Variants in TBCK observed in about 807,000 individuals in gnomAD.
TBCK encodes the protein TBC domain-containing protein kinase-like protein.
Under a neutral mutation model 113.4 loss-of-function variants are expected in TBCK, and 99 were observed. The observed-to-expected ratio is 0.87, with a 90% CI of 0.74 to 1.03. The LOEUF (loss-of-function observed/expected upper bound fraction) is 1.03. TBCK is among the 50% of genes least tolerant of loss of function. TBCK has a pLI of 0.00. For synonymous variants in TBCK, 369 were observed against 370.8 expected (o/e 1.00, Z 0.05); for missense variants, 1,045 against 1,061.3 (o/e 0.98, Z 0.21).
At chr4:106,087,904 A>C (rs1006394780) in intron 25 of TBCK, among the ~76,000 whole-genome samples, 1 of 152,230 alleles carries the variant, frequency 6.6e-6, no homozygotes, top group Non-Finnish European at 1.5e-5. Flanking sequence ...ATATGCAGGA[A>C]ACTGGAACTG....
At chr4:106,057,265 G>A (rs2149454357) in intron 25 of TBCK, among the ~76,000 whole-genome samples, 1 of 151,826 alleles carries the variant, frequency 6.6e-6, no homozygotes, top group South Asian at 2.1e-4. Flanking sequence ...CTAGCATTGA[G>A]ATAGACTGGG....
intron 2 of TBCK, among the ~76,000 whole-genome samples, chr4:106,301,833 T>A (rs573363375): frequency 6.6e-6 from 1 of 152,224 alleles, no homozygotes; most frequent in South Asian, 2.1e-4. Flanking sequence ...AGAGGAAAAG[T>A]AGAATCAAAA....
At chr4:106,081,315 T>C (rs769656935) in intron 25 of TBCK, among the ~76,000 whole-genome samples, 9 of 152,240 alleles carry the variant, frequency 5.9e-5, no homozygotes, top group Non-Finnish European at 1.2e-4. Context: ...GTAGTACATA[T>C]ACACCATGGA....
chr4:106,094,552 C>A (rs1189680287), intron 25 of TBCK, among the ~76,000 whole-genome samples: 1 of 151,918 alleles, frequency 6.6e-6, no homozygotes, highest in Non-Finnish European at 1.5e-5. Flanking sequence ...TTTCAGTGAC[C>A]ACATTTCAGG....
At chr4:106,227,864 A>G (rs1424193573) in intron 19 of TBCK, among the ~76,000 whole-genome samples, 2 of 145,252 alleles carry the variant, frequency 1.4e-5, no homozygotes, top group African/African-American at 2.5e-5. Context: ...AAATGTCACA[A>G]TAATAACACT....
At chr4:106,076,910 C>T (rs1738257989) in intron 25 of TBCK, among the ~76,000 whole-genome samples, 1 of 151,858 alleles carries the variant, frequency 6.6e-6, no homozygotes. Flanking sequence ...TTGAAACAAG[C>T]CTGGGAAGCA....
intron 23 of TBCK, among the ~76,000 whole-genome samples, chr4:106,167,087 G>T (rs546104808): frequency 6.8e-6 from 1 of 148,114 alleles, no homozygotes; most frequent in South Asian, 2.1e-4. Context: ...CATATATATA[G>T]GGGTGTGTGT....
chr4:106,252,080 T>C (rs2150066742), intron 5 of TBCK, 73 bp from the exon 6 acceptor site: 2 of 1,262,198 alleles, frequency 1.6e-6, no homozygotes, highest in Non-Finnish European at 1.1e-6. Context: ...ACAATCAATG[T>C]GGTAAGATCT....
chr4:106,135,827 T>A (rs1746491056), intron 23 of TBCK, among the ~76,000 whole-genome samples: 2 of 141,610 alleles, frequency 1.4e-5, no homozygotes, highest in African/African-American at 2.5e-5. Flanking sequence ...GAATTGACCA[T>A]CCATCCTGAG....
At chr4:106,123,039 G>A (rs925279422) in intron 23 of TBCK, among the ~76,000 whole-genome samples, 1 of 152,190 alleles carries the variant, frequency 6.6e-6, no homozygotes. Flanking sequence ...AATTAGGCAG[G>A]AGAAAGAAAT....
At chr4:106,160,883 G>A (rs1437642182) in intron 23 of TBCK, among the ~76,000 whole-genome samples, 3 of 151,902 alleles carry the variant, frequency 2.0e-5, no homozygotes, top group African/African-American at 4.8e-5. Context: ...ACTGATGAAT[G>A]AATGGATAAA....
intron 19 of TBCK, among the ~76,000 whole-genome samples, chr4:106,213,956 T>A (rs1292997527): frequency 1.3e-4 from 20 of 152,174 alleles, no homozygotes; most frequent in Admixed American, 1.3e-3. Context: ...CTCTGCAGAC[T>A]TAAATGTCTC....
intron 3 of TBCK, among the ~76,000 whole-genome samples, chr4:106,277,650 C>G (rs549414118): frequency 6.6e-6 from 1 of 152,110 alleles, no homozygotes; most frequent in African/African-American, 2.4e-5. Context: ...AACTAACCCA[C>G]GATTAAAAAA....
At position 106,185,665 on chromosome 4, in the gene TBCK, A is replaced by G. The variant is rs184172415; in HGVS notation, c.2059+7944T>C. Among the ~76,000 whole-genome samples the G allele has an allele frequency of 5.0e-4, 76 of 152,244 alleles. No homozygotes were observed. The East Asian group carries it at 8.1e-3, about 16-fold the overall frequency. On this transcript the variant is annotated intron_variant, in intron 22 of 25. Transcript: ENST00000394708. The stretch of plus-strand genomic sequence containing the variant: ...GGAAGACTGAGACCTAGAGAAAGGA[A>G]AAGGATCACAACATTGTGAGCAGCA...
At chr4:106,290,564 A>T (rs528753491) in intron 3 of TBCK, among the ~76,000 whole-genome samples, 21 of 152,246 alleles carry the variant, frequency 1.4e-4, no homozygotes, top group Non-Finnish European at 2.9e-4. Context: ...AATAAGGTTA[A>T]ACTATTTCTA....
chr4:106,118,164 A>G (rs1743783652), intron 23 of TBCK, among the ~76,000 whole-genome samples: 1 of 152,144 alleles, frequency 6.6e-6, no homozygotes, highest in African/African-American at 2.4e-5. Context: ...TCTCAGTTAC[A>G]TTGTGGAATT....
chr4:106,226,402 T>C (rs1758250122), intron 19 of TBCK, among the ~76,000 whole-genome samples: 1 of 152,214 alleles, frequency 6.6e-6, no homozygotes, highest in African/African-American at 2.4e-5. Context: ...TAGCCAGGTA[T>C]CATCCAGCCA....
At chr4:106,074,317 A>G (rs1737903874) in intron 25 of TBCK, among the ~76,000 whole-genome samples, 1 of 152,248 alleles carries the variant, frequency 6.6e-6, no homozygotes, top group Non-Finnish European at 1.5e-5. Flanking sequence ...ATTGGCTCAA[A>G]TTCTAGAACT....
rs1738548331 is a variant in TBCK at position 106,079,010 on chromosome 4, CAT to C, written c.2571+16470_2571+16471del. ...GCAACTAAATAAATATGATTCACTACATAAACAAAATTAAAAACAAAAACCAT... is the reference window on the plus strand; with the variant it reads ...GCAACTAAATAAATATGATTCACTACAAACAAAATTAAAAACAAAAACCAT... On this transcript the variant is annotated intron_variant, in intron 25 of 25. Coordinates refer to ENST00000394708, the MANE Select transcript of TBCK (RefSeq NM_001163435.3). Among the ~76,000 whole-genome samples the C allele has an allele frequency of 2.0e-5, 3 of 152,190 alleles. No homozygotes were observed. In the South Asian group the frequency reaches 6.2e-4, roughly 32 times the overall value.
Sources: allele counts gnomAD v4.1 joint callset (sites outside exome capture counted in the v4.1 genomes callset), GRCh38; gene constraint gnomAD v4.1.1; transcripts MANE v1.5; gene names NCBI Gene and HGNC (gene_info 2026-07-23, HGNC 2026-07-21).